ZRANB3: variants seen among roughly 807,000 people sequenced by gnomAD.
The protein encoded by ZRANB3 is zinc finger RANBP2-type containing 3, also known as DNA annealing helicase and endonuclease ZRANB3.
Under a neutral mutation model 133.8 loss-of-function variants are expected in ZRANB3, and 125 were observed. That is an observed-to-expected ratio of 0.93 (90% CI 0.81 to 1.08). ZRANB3 has a LOEUF of 1.08. Ranked by LOEUF, ZRANB3 falls within the 50% of genes least tolerant of loss-of-function variation. The probability of loss-of-function intolerance (pLI) is 0.00; values close to 1 mark genes in which losing one functional copy is unlikely to be tolerated. For missense variants in ZRANB3, 1,229 were observed against 1,275.5 expected (o/e 0.96, Z 0.56); for synonymous variants, 387 against 432.7 (o/e 0.89, Z 1.31).
Position 135,512,052 on chromosome 2 carries a change from C to T in ZRANB3, c.-7-7556G>A, listed in dbSNP as rs529226277. ...ACACAGCACTGATGATGGCAGAAAC[C>T]CCTCATGCAACTGTGTCCGCACCAG... On this transcript the variant is annotated intron_variant, in intron 1 of 20. Coordinates refer to ENST00000264159, the MANE Select transcript of ZRANB3 (RefSeq NM_032143.4). The T allele has an allele frequency of 7.8e-6, 4 of 511,596 alleles. No individual in the cohort carries two copies. The Admixed American group carries it at 1.3e-4, about 16-fold the overall frequency. The allele number at this position is 511,596 out of a possible 1,614,324, so 31.7% of individuals were successfully genotyped here. A position where few individuals can be genotyped will look rare whatever the true frequency, so the allele number is the denominator to read the frequency against.
chr2:135,438,396 T>C (rs1689638710), intron 2 of ZRANB3, among the ~76,000 whole-genome samples: 1 of 150,504 alleles, frequency 6.6e-6, no homozygotes, highest in African/African-American at 2.5e-5. Context: ...TCCCAGCTAC[T>C]CAGAAGACTG....
At chr2:135,445,696 T>C (rs1196425516) in intron 2 of ZRANB3, among the ~76,000 whole-genome samples, 1 of 146,614 alleles carries the variant, frequency 6.8e-6, no homozygotes, top group African/African-American at 2.5e-5. Flanking sequence ...GCCAAGATGG[T>C]GAAACCCTGT....
Position 135,200,052 on chromosome 2 carries a change from G to A in ZRANB3, c.*290C>T. On this transcript the variant is annotated 3_prime_UTR_variant, in exon 21 of 21. Coordinates refer to ENST00000264159, the MANE Select transcript of ZRANB3 (RefSeq NM_032143.4). ...TTAAACACAATCTATGCACAATACA[G>A]TGATTAGGCATATTAGGGGTAAAGA... is the stretch of plus-strand genomic sequence containing the variant. The A allele has an allele frequency of 6.7e-6, 3 of 445,474 alleles. No homozygotes were observed. Among genetic ancestry groups the A allele is most frequent in the Admixed American group, 7.1e-5 (2 of 28,232 alleles). The allele number at this position is 445,474 out of a possible 1,614,324, so 27.6% of individuals were successfully genotyped here.
At chr2:135,340,547 GA>G (rs1558928701) in intron 6 of ZRANB3, among the ~76,000 whole-genome samples, 1 of 151,974 alleles carries the variant, frequency 6.6e-6, no homozygotes, top group African/African-American at 2.4e-5. Context: ...CCTAAGTTCA[GA>G]AAAAAGTAAA....
chr2:135,504,078 G>T (rs2104822218), intron 2 of ZRANB3: 2 of 502,576 alleles, frequency 4.0e-6, no homozygotes, highest in Non-Finnish European at 7.3e-6. Flanking sequence ...TATATGAGTT[G>T]CTGAGAGTAT....
chr2:135,227,596 G>A (rs1436855788), intron 14 of ZRANB3, among the ~76,000 whole-genome samples: 1 of 152,142 alleles, frequency 6.6e-6, no homozygotes, highest in Non-Finnish European at 1.5e-5. Flanking sequence ...CTATTTATCG[G>A]TTTTGCTCTA....
chr2:135,276,107 A>T (rs569551373), intron 8 of ZRANB3, among the ~76,000 whole-genome samples: 2 of 152,258 alleles, frequency 1.3e-5, no homozygotes, highest in South Asian at 4.1e-4. Context: ...GTTTATATAT[A>T]AGACCAAGTA....
intron 2 of ZRANB3, among the ~76,000 whole-genome samples, chr2:135,425,887 CAA>C (rs1256038426): frequency 6.6e-6 from 1 of 151,048 alleles, no homozygotes; most frequent in Non-Finnish European, 1.5e-5. Context: ...AAAAACCATA[CAA>C]AAGATCAATG....
At chr2:135,433,259 C>T (rs540285559) in intron 2 of ZRANB3, among the ~76,000 whole-genome samples, 1 of 151,994 alleles carries the variant, frequency 6.6e-6, no homozygotes, top group East Asian at 1.9e-4. Context: ...TGGTGACGTG[C>T]GCCTGTAATC....
At chr2:135,359,370 G>A (rs768383408) in intron 3 of ZRANB3, among the ~76,000 whole-genome samples, 11 of 152,046 alleles carry the variant, frequency 7.2e-5, no homozygotes, top group Admixed American at 2.0e-4. Context: ...GACTGCTTGA[G>A]GCCAGGAGTT....
chr2:135,298,034 C>T (rs1435417200), intron 8 of ZRANB3, among the ~76,000 whole-genome samples: 1 of 152,086 alleles, frequency 6.6e-6, no homozygotes, highest in Non-Finnish European at 1.5e-5. Context: ...TTAATATCAG[C>T]CTGGCCAACA....
intron 2 of ZRANB3, among the ~76,000 whole-genome samples, chr2:135,476,906 A>G (rs1042266558): frequency 1.3e-5 from 2 of 152,020 alleles, no homozygotes; most frequent in East Asian, 3.9e-4. Context: ...TTTTTTATAG[A>G]CACAGGACCT....
At chr2:135,492,891 A>C (rs1044431583) in intron 2 of ZRANB3, among the ~76,000 whole-genome samples, 4 of 151,732 alleles carry the variant, frequency 2.6e-5, no homozygotes, top group Non-Finnish European at 4.4e-5. Flanking sequence ...GTGACAATAG[A>C]AAAAGGGATC....
intron 3 of ZRANB3, among the ~76,000 whole-genome samples, chr2:135,363,377 C>T (rs1018520545): frequency 6.6e-6 from 1 of 152,140 alleles, no homozygotes; most frequent in African/African-American, 2.4e-5. Flanking sequence ...AAATGAGATA[C>T]TTAACTATAA....
At chr2:135,515,885 A>T in intron 1 of ZRANB3, among the ~76,000 whole-genome samples, 1 of 152,122 alleles carries the variant, frequency 6.6e-6, no homozygotes, top group East Asian at 1.9e-4. Context: ...GGGGCATTAA[A>T]TCTCCTACTA....
chr2:135,234,843 T>C (rs915493472), intron 12 of ZRANB3, among the ~76,000 whole-genome samples: 1 of 152,076 alleles, frequency 6.6e-6, no homozygotes, highest in African/African-American at 2.4e-5. Flanking sequence ...GCAGGAAAGA[T>C]CTAAAATTGA....
chr2:135,396,589 C>G (rs1687496438), intron 2 of ZRANB3, among the ~76,000 whole-genome samples: 1 of 152,062 alleles, frequency 6.6e-6, no homozygotes, highest in Non-Finnish European at 1.5e-5. Flanking sequence ...CACGTTCTCA[C>G]TTATGTGTGG....
intron 2 of ZRANB3, among the ~76,000 whole-genome samples, chr2:135,409,205 G>T (rs971331981): frequency 1.3e-5 from 2 of 151,782 alleles, no homozygotes; most frequent in Admixed American, 6.6e-5. Flanking sequence ...CAAACAACCA[G>T]GTCTCACAAG....
At chr2:135,450,842 G>A (rs1324001185) in intron 2 of ZRANB3, among the ~76,000 whole-genome samples, 1 of 152,122 alleles carries the variant, frequency 6.6e-6, no homozygotes, top group Non-Finnish European at 1.5e-5. Flanking sequence ...CTGAGCATCT[G>A]GGAAGGCCAA....
Sources: gnomAD v4.1 joint callset for allele counts (sites outside exome capture counted in the v4.1 genomes callset) on GRCh38, gnomAD v4.1.1 for gene constraint, MANE v1.5 for transcripts, NCBI Gene and HGNC (gene_info 2026-07-23, HGNC 2026-07-21) for gene names.